MAPT: variants seen among roughly 807,000 people sequenced by gnomAD.
MAPT encodes the protein microtubule associated protein tau.
A neutral mutation model predicts 67.9 loss-of-function variants in MAPT; 34 were observed. That is an observed-to-expected ratio of 0.50 (90% confidence interval 0.38 to 0.67). The LOEUF (loss-of-function observed/expected upper bound fraction) is 0.67. Among genes scored for constraint, MAPT ranks in the 30% least tolerant of loss-of-function variants. MAPT has a pLI of 0.00. For missense variants in MAPT, 881 were observed against 1,115.2 expected (o/e 0.79, Z 2.99); for synonymous variants, 456 against 464.5 (o/e 0.98, Z 0.23).
chr17:46,009,063 G>A (rs1332943334), intron 9 of MAPT, among the ~76,000 whole-genome samples: 1 of 152,156 alleles, frequency 6.6e-6, no homozygotes, highest in Non-Finnish European at 1.5e-5. Flanking sequence ...GCCAGGTGTG[G>A]TGGCATGTGC....
chr17:45,978,281 A>C (rs754512), intron 3 of MAPT, 94 bp from the exon 4 acceptor site: 1 of 979,842 alleles, frequency 1.0e-6, no homozygotes, highest in Non-Finnish European at 1.7e-6. Context: ...CTGAATGTTT[A>C]AGGGAAAATG....
chr17:45,911,548 G>T (rs564903429), intron 1 of MAPT, among the ~76,000 whole-genome samples: 1 of 152,138 alleles, frequency 6.6e-6, no homozygotes, highest in Non-Finnish European at 1.5e-5. Flanking sequence ...ATCACTTGAG[G>T]CCAGGAGTCC....
chr17:45,956,076 C>T (rs1018728307), intron 1 of MAPT, among the ~76,000 whole-genome samples: 3 of 152,176 alleles, frequency 2.0e-5, no homozygotes, highest in East Asian at 1.9e-4. Context: ...CCATTGAGAA[C>T]GGCTGAGACG....
chr17:45,985,255 A>G (rs542483959), intron 5 of MAPT, among the ~76,000 whole-genome samples: 1 of 152,306 alleles, frequency 6.6e-6, no homozygotes, highest in Non-Finnish European at 1.5e-5. Flanking sequence ...CAGTGAGCCA[A>G]GATCACACCA....
chr17:45,998,302 TCGGGATGGAAATGGA>T (rs2074681175), intron 9 of MAPT, among the ~76,000 whole-genome samples: 1 of 150,280 alleles, frequency 6.7e-6, no homozygotes, highest in African/African-American at 2.4e-5. Context: ...TCACATCCCA[TCGGGATGGAAATGGA>T]CGGTCGGGTT....
chr17:45,989,605 T>C (rs981474713), intron 6 of MAPT, among the ~76,000 whole-genome samples: 2 of 152,086 alleles, frequency 1.3e-5, no homozygotes, highest in East Asian at 1.9e-4. Flanking sequence ...GAGCCGAGAT[T>C]GCACCACTGC....
At chr17:46,009,192 C>T (rs1341008426) in intron 9 of MAPT, among the ~76,000 whole-genome samples, 1 of 151,904 alleles carries the variant, frequency 6.6e-6, no homozygotes, top group Non-Finnish European at 1.5e-5. Context: ...AAAGTGAGAC[C>T]CTATCTCACA....
chr17:46,014,420 G>C, intron 11 of MAPT, 96 bp downstream of exon 11: 1 of 879,188 alleles, frequency 1.1e-6, no homozygotes, highest in East Asian at 2.5e-5. Context: ...GAAGGGGCTG[G>C]AAAGGATATT....
intron 10 of MAPT, among the ~76,000 whole-genome samples, chr17:46,011,548 T>G (rs1202001637): frequency 1.3e-5 from 2 of 152,166 alleles, no homozygotes; most frequent in African/African-American, 4.8e-5. Flanking sequence ...TGAGGCTTCA[T>G]CATCCCCTGG....
intron 11 of MAPT, 152 bp from the exon 12 acceptor site, chr17:46,018,466 C>CT: frequency 1.3e-6 from 1 of 761,730 alleles, no homozygotes; most frequent in South Asian, 1.4e-5. Flanking sequence ...GTCTTCTTCC[C>CT]TCCAGAGCAG....
At chr17:45,929,732 G>A (rs1254042975) in intron 1 of MAPT, among the ~76,000 whole-genome samples, 1 of 152,134 alleles carries the variant, frequency 6.6e-6, no homozygotes, top group South Asian at 2.1e-4. Flanking sequence ...TTCTTTCCTT[G>A]TTATTCTCTT....
chr17:45,974,668 A>T, intron 3 of MAPT: 2 of 594,432 alleles, frequency 3.4e-6, no homozygotes, highest in South Asian at 3.9e-5. Flanking sequence ...GCTGCCTGCC[A>T]GCCTCTCAGA....
chr17:45,992,412 G>A (rs1310658604), intron 8 of MAPT, among the ~76,000 whole-genome samples: 2 of 152,162 alleles, frequency 1.3e-5, no homozygotes, highest in Non-Finnish European at 2.9e-5. Flanking sequence ...ACGTCACTCA[G>A]GGCTCAACCC....
At chr17:45,926,636 G>A (rs1431734321) in intron 1 of MAPT, among the ~76,000 whole-genome samples, 1 of 152,156 alleles carries the variant, frequency 6.6e-6, no homozygotes, top group Non-Finnish European at 1.5e-5. Context: ...AAATCTATAA[G>A]AGACATTATT....
At chr17:45,961,242 A>T (rs764250382) in intron 1 of MAPT, among the ~76,000 whole-genome samples, 6 of 152,200 alleles carry the variant, frequency 3.9e-5, no homozygotes, top group Non-Finnish European at 8.8e-5. Flanking sequence ...AATAAAGATG[A>T]GGACAAAGTG....
intron 10 of MAPT, among the ~76,000 whole-genome samples, chr17:46,012,649 G>C (rs139996454): frequency 6.6e-6 from 1 of 152,192 alleles, no homozygotes; most frequent in Non-Finnish European, 1.5e-5. Context: ...GCTCTGCAGG[G>C]CCTGCTGTCC....
intron 1 of MAPT, among the ~76,000 whole-genome samples, chr17:45,960,928 C>T (rs1005410089): frequency 3.3e-5 from 5 of 152,108 alleles, no homozygotes; most frequent in Admixed American, 2.0e-4. Context: ...CCAGCACATC[C>T]GATTTTTACT....
Position 45,996,542 on chromosome 17 carries a change from A to C in MAPT, c.1876A>C (p.Lys626Gln). 1 of 1,609,718 alleles carries C rather than the reference A, an allele frequency of 6.2e-7. No homozygotes were observed. The highest frequency in any genetic ancestry group is 8.5e-7 in the Non-Finnish European group (1 of 1,178,446). ...KKVAVVRTPP[K>Q]SPSSAKSRLQ... ...GGTGGCAGTGGTCCGTACTCCACCC[A>C]AGTCGCCGTCTTCCGCCAAGAGCCG... Residue 626 changes from lysine (K) to glutamine (Q), a missense_variant, in exon 9 of 13, where the codon AAG (lysine) becomes CAG (glutamine). Around this residue, in one of 6 missense-constraint regions of MAPT, gnomAD observed 45 missense variants for 43.2 expected, o/e 1.04. Transcript: ENST00000262410. This position sits in a 1 kb window ranked among gnomAD's most constrained non-coding sequence, Gnocchi z 4.5.
At chr17:45,991,326 A>G in intron 7 of MAPT, 134 bp from the exon 8 acceptor site, 3 of 1,086,056 alleles carry the variant, frequency 2.8e-6, no homozygotes, top group Non-Finnish European at 4.2e-6. Flanking sequence ...CACTAGTGGC[A>G]TCTAGGAGGC....
Sources: gnomAD v4.1 joint callset for allele counts (sites outside exome capture counted in the v4.1 genomes callset) on GRCh38, gnomAD v4.1.1 for gene constraint, gnomAD v4.1.1 regional missense constraint, Gnocchi (gnomAD v3.1) non-coding constraint, MANE v1.5 for transcripts, NCBI Gene and HGNC (gene_info 2026-07-23, HGNC 2026-07-21) for gene names.